The following NXPE4 variants were observed in gnomAD, a reference collection of about 807,000 sequenced individuals.
The protein encoded by NXPE4 is neurexophilin and PC-esterase domain family member 4, also known as NXPE family member 4.
NXPE4 carries 42 observed loss-of-function variants against 33.3 expected under a neutral mutation model. That is an observed-to-expected ratio of 1.26 (90% CI 0.98 to 1.63). NXPE4 has a LOEUF of 1.63. Among genes scored for constraint, NXPE4 ranks in the 40% most tolerant of loss-of-function variants. The pLI, the probability that NXPE4 is intolerant of heterozygous loss-of-function variation, is 0.00. For synonymous variants in NXPE4, 253 were observed against 234.9 expected (o/e 1.08, Z -0.71); for missense variants, 709 against 647.6 (o/e 1.09, Z -1.03).
At chr11:114,629,781 CA>C in the NXPE4 span, among the ~76,000 whole-genome samples, 1 of 150,910 alleles carries the variant, frequency 6.6e-6, no homozygotes, top group African/African-American at 2.4e-5. Context: ...CCCATTGTCT[CA>C]GCCCAAAATC....
chr11:114,639,853 TA>T, the NXPE4 span, among the ~76,000 whole-genome samples: 1 of 91,528 alleles, frequency 1.1e-5, no homozygotes, highest in Non-Finnish European at 1.9e-5. Context: ...TAAAATATAA[TA>T]TATATTATAT....
chr11:114,655,564 C>T, the NXPE4 span, among the ~76,000 whole-genome samples: 2 of 152,142 alleles, frequency 1.3e-5, no homozygotes, highest in South Asian at 2.1e-4. Context: ...TTTCCCAGCA[C>T]CATTTACTGA....
chr11:114,600,726 G>T (rs1349032213), upstream of NXPE4, among the ~76,000 whole-genome samples: 1 of 151,970 alleles, frequency 6.6e-6, no homozygotes, highest in Non-Finnish European at 1.5e-5. Context: ...AAAAAAGTCT[G>T]TAATTTCACT....
At chr11:114,639,826 A>C in the NXPE4 span, among the ~76,000 whole-genome samples, 1 of 89,790 alleles carries the variant, frequency 1.1e-5, no homozygotes, top group Non-Finnish European at 2.2e-5. Context: ...AAAATATAAT[A>C]TATATTATAT....
At chr11:114,597,314 A>T (rs149772237), upstream of NXPE4, among the ~76,000 whole-genome samples, 175 of 152,338 alleles carry the variant, frequency 1.1e-3, no homozygotes, top group African/African-American at 3.9e-3. Flanking sequence ...TTAAATTCAA[A>T]TATATGAACA....
At position 114,582,488 on chromosome 11, in the gene NXPE4, A is replaced by G. The variant is rs1197048427; in HGVS notation, c.630T>C (p.Asn210=). The part of the protein sequence containing the change: ...DRVIFTGQFV[N]GTSQVHSECG... ...ATTCAGAGTGGACTTGGGAAGTGCC[A>G]TTGACAAACTGGCCAGTGAAGATCA... Residue 210 remains asparagine (N), a synonymous_variant, in exon 3 of 6, where the codon AAT becomes AAC. Transcript: ENST00000375478. 2 of 1,614,146 alleles carry G rather than the reference A, an allele frequency of 1.2e-6. No homozygotes were observed. The highest frequency in any genetic ancestry group is 2.2e-5 in the East Asian group (1 of 44,864).
chr11:114,597,509 A>T (rs949780561), upstream of NXPE4, among the ~76,000 whole-genome samples: 1 of 152,192 alleles, frequency 6.6e-6, no homozygotes, highest in Non-Finnish European at 1.5e-5. Flanking sequence ...TTGATGGATA[A>T]ATATGCATTT....
the NXPE4 span, among the ~76,000 whole-genome samples, chr11:114,626,435 G>A: frequency 4.6e-5 from 7 of 152,250 alleles, no homozygotes; most frequent in African/African-American, 1.4e-4. Flanking sequence ...TCACGTGGCC[G>A]GGTACTCCAA....
At chr11:114,662,066 G>A in the NXPE4 span, among the ~76,000 whole-genome samples, 76,106 of 152,014 alleles carry the variant, frequency 0.5, 20,193 homozygotes, top group East Asian at 0.79. Context: ...CGACACAAAA[G>A]AAGCACTTTT....
chr11:114,652,158 G>A, the NXPE4 span, among the ~76,000 whole-genome samples: 2 of 152,206 alleles, frequency 1.3e-5, no homozygotes, highest in Non-Finnish European at 2.9e-5. Flanking sequence ...GATTCAGGAT[G>A]GGTGAGAGAT....
the NXPE4 span, among the ~76,000 whole-genome samples, chr11:114,649,033 C>A: frequency 1.3e-5 from 2 of 151,954 alleles, no homozygotes; most frequent in African/African-American, 4.8e-5. Context: ...CAATTACAGT[C>A]CTTGTTTATG....
the NXPE4 span, among the ~76,000 whole-genome samples, chr11:114,625,793 A>T: frequency 6.6e-6 from 1 of 152,134 alleles, no homozygotes; most frequent in Admixed American, 6.5e-5. Flanking sequence ...AGTGCCAGAC[A>T]GTGGGTGCAG....
the NXPE4 span, among the ~76,000 whole-genome samples, chr11:114,620,900 G>T: frequency 3.9e-5 from 6 of 152,170 alleles, no homozygotes; most frequent in Non-Finnish European, 1.5e-5. Context: ...GGTAACCACA[G>T]TTACCCTGTG....
chr11:114,673,952 G>A, the NXPE4 span, among the ~76,000 whole-genome samples: 1 of 151,786 alleles, frequency 6.6e-6, no homozygotes, highest in Non-Finnish European at 1.5e-5. Context: ...CCATGACAAT[G>A]TCATTTATCA....
At chr11:114,658,400 A>G in the NXPE4 span, among the ~76,000 whole-genome samples, 1 of 152,156 alleles carries the variant, frequency 6.6e-6, no homozygotes, top group Non-Finnish European at 1.5e-5. Flanking sequence ...ACATAAAGGG[A>G]ATTTGTTCCT....
chr11:114,638,559 C>A, the NXPE4 span, among the ~76,000 whole-genome samples: 5 of 151,988 alleles, frequency 3.3e-5, no homozygotes, highest in Admixed American at 6.6e-5. Context: ...TAGAGTTTCC[C>A]GTTTTTCTGC....
At chr11:114,614,306 T>C in the NXPE4 span, among the ~76,000 whole-genome samples, 2 of 151,412 alleles carry the variant, frequency 1.3e-5, no homozygotes, top group Non-Finnish European at 2.9e-5. Flanking sequence ...ATAGTAAGTA[T>C]TGCCTCGTAG....
chr11:114,615,138 T>G, the NXPE4 span, among the ~76,000 whole-genome samples: 1 of 151,974 alleles, frequency 6.6e-6, no homozygotes. Flanking sequence ...TAATAAGTGT[T>G]ACCTTGTGTG....
At chr11:114,633,347 A>T in the NXPE4 span, among the ~76,000 whole-genome samples, 4 of 141,724 alleles carry the variant, frequency 2.8e-5, no homozygotes, top group African/African-American at 7.7e-5. Context: ...TTATTATATG[A>T]TTATATTATA....
Sources: gnomAD v4.1 joint callset for allele counts (sites outside exome capture counted in the v4.1 genomes callset) on GRCh38, gnomAD v4.1.1 for gene constraint, MANE v1.5 for transcripts, NCBI Gene and HGNC (gene_info 2026-07-23, HGNC 2026-07-21) for gene names.